Variants in VTI1A observed in about 807,000 individuals in gnomAD.
The protein encoded by VTI1A is vesicle transport through interaction with t-SNAREs 1A.
VTI1A carries 22 observed loss-of-function variants against 34.9 expected under a neutral mutation model. The observed-to-expected ratio is 0.63, with a 90% CI of 0.45 to 0.90. The LOEUF (loss-of-function observed/expected upper bound fraction) is 0.90, where lower values mean the gene tolerates loss of function less well. Among genes scored for constraint, VTI1A ranks in the 40% least tolerant of loss-of-function variants. VTI1A has a pLI of 0.00. For missense variants in VTI1A, 268 were observed against 275.6 expected, an observed-to-expected ratio of 0.97 and a Z score of 0.20; for synonymous variants, 87 against 97.3, an observed-to-expected ratio of 0.89 and a Z score of 0.62.
chr10:112,490,154 T>G (rs1285137829), intron 3 of VTI1A, among the ~76,000 whole-genome samples: 1 of 152,220 alleles, frequency 6.6e-6, no homozygotes, highest in East Asian at 1.9e-4. Context: ...ATTAAGTGCT[T>G]TCATGGTAAA....
chr10:112,818,184 C>T lies in VTI1A; in HGVS notation c.*2801C>T, dbSNP rs1412541555. 1 of 233,314 alleles carries T rather than the reference C, an allele frequency of 4.3e-6. No individual in the cohort carries two copies. Among genetic ancestry groups the T allele is most frequent in the Non-Finnish European group, 8.5e-6 (1 of 117,874 alleles). The allele number at this position is 233,314 out of a possible 1,614,324, so 14.5% of individuals were successfully genotyped here. ...TTTGCTTTGCTACTGCTTCTGAGCC[C>T]TGAGCTTCAAAGGCTGAAATTAATG... On this transcript the variant is annotated 3_prime_UTR_variant, in exon 8 of 8. Coordinates refer to ENST00000393077, the MANE Select transcript of VTI1A (RefSeq NM_145206.4).
intron 5 of VTI1A, among the ~76,000 whole-genome samples, chr10:112,578,043 C>T (rs1288279646): frequency 6.6e-6 from 1 of 152,144 alleles, no homozygotes; most frequent in African/African-American, 2.4e-5. Flanking sequence ...AAGTAACTTT[C>T]TTATTGTTTT....
At chr10:112,592,777 A>G in intron 5 of VTI1A, among the ~76,000 whole-genome samples, 1 of 152,256 alleles carries the variant, frequency 6.6e-6, no homozygotes, top group East Asian at 1.9e-4. Flanking sequence ...TATATGGCAA[A>G]TAAAACTGGA....
chr10:112,499,466 G>A (rs1849147241), intron 3 of VTI1A, among the ~76,000 whole-genome samples: 1 of 152,016 alleles, frequency 6.6e-6, no homozygotes, highest in South Asian at 2.1e-4. Flanking sequence ...TTAATTTTAT[G>A]TATGCCCATG....
chr10:112,669,177 A>G (rs551999071), intron 7 of VTI1A, among the ~76,000 whole-genome samples, 179 bp downstream of exon 7: 1 of 152,304 alleles, frequency 6.6e-6, no homozygotes, highest in Non-Finnish European at 1.5e-5. Flanking sequence ...AGGGACACAT[A>G]CTAACACAGA....
At chr10:112,518,504 G>A (rs1849869133) in intron 3 of VTI1A, among the ~76,000 whole-genome samples, 1 of 149,470 alleles carries the variant, frequency 6.7e-6, no homozygotes, top group South Asian at 2.1e-4. Context: ...AGCCCAAGGA[G>A]TTCAAGGCCA....
intron 3 of VTI1A, among the ~76,000 whole-genome samples, chr10:112,511,112 A>G (rs1448496013): frequency 6.6e-6 from 1 of 152,184 alleles, no homozygotes; most frequent in Non-Finnish European, 1.5e-5. Flanking sequence ...AAATAATCTC[A>G]AACTTGCTGA....
chr10:112,550,349 GTT>G (rs56846103), intron 5 of VTI1A, among the ~76,000 whole-genome samples: 3,655 of 142,236 alleles, frequency 0.026, 63 homozygotes, highest in African/African-American at 0.03. Context: ...GTGCCAGAAG[GTT>G]TTTTTTTTTT....
intron 5 of VTI1A, among the ~76,000 whole-genome samples, chr10:112,576,099 C>G (rs2134381929): frequency 6.7e-6 from 1 of 149,818 alleles, no homozygotes; most frequent in South Asian, 2.1e-4. Context: ...CGGCTCACTG[C>G]AAGCTCCGCC....
At chr10:112,499,630 C>T (rs1423757157) in intron 3 of VTI1A, among the ~76,000 whole-genome samples, 1 of 152,214 alleles carries the variant, frequency 6.6e-6, no homozygotes, top group African/African-American at 2.4e-5. Context: ...ATTCATTAAA[C>T]TTATTATCTT....
chr10:112,854,987 G>A, the VTI1A span, among the ~76,000 whole-genome samples: 1 of 152,150 alleles, frequency 6.6e-6, no homozygotes, highest in Non-Finnish European at 1.5e-5. Flanking sequence ...TTCACAGAGA[G>A]TCTGCCTGCT....
Position 112,617,850 on chromosome 10 carries a change from A to G in VTI1A, c.428-50368A>G, listed in dbSNP as rs549676454. Reference sequence around the variant, plus strand: ...CAAAGTAGAAGATGCCTGGGAATGAATATAATAAAAGATATACAAAGTGGC... The same window carrying G: ...CAAAGTAGAAGATGCCTGGGAATGAGTATAATAAAAGATATACAAAGTGGC... On this transcript the variant is annotated intron_variant, in intron 5 of 7. Transcript: ENST00000393077. 2.2e-4 allele frequency among the ~76,000 whole-genome samples: 34 copies of G among 152,328 alleles called. 1 individual carries two copies. The highest frequency in any genetic ancestry group is 8.2e-4 in the African/African-American group (34 of 41,572).
intron 7 of VTI1A, among the ~76,000 whole-genome samples, chr10:112,724,517 A>G (rs527617268): frequency 1.3e-3 from 199 of 152,168 alleles, no homozygotes; most frequent in Non-Finnish European, 2.5e-3. Context: ...CCAATCAGAA[A>G]GCTGCCCTGA....
chr10:112,715,397 T>C (rs1263519369), intron 7 of VTI1A, among the ~76,000 whole-genome samples: 1 of 152,074 alleles, frequency 6.6e-6, no homozygotes, highest in Non-Finnish European at 1.5e-5. Flanking sequence ...AGAAAAAAAA[T>C]TGTTTTTATG....
chr10:112,467,732 C>A (rs1847944189), intron 3 of VTI1A, among the ~76,000 whole-genome samples: 1 of 152,216 alleles, frequency 6.6e-6, no homozygotes, highest in African/African-American at 2.4e-5. Flanking sequence ...TACATTATTT[C>A]ATTTCATTGT....
intron 5 of VTI1A, among the ~76,000 whole-genome samples, chr10:112,666,562 C>T (rs1167978851): frequency 6.6e-6 from 1 of 152,110 alleles, no homozygotes; most frequent in African/African-American, 2.4e-5. Flanking sequence ...AGTGGGGATT[C>T]AATGATTCTT....
intron 5 of VTI1A, among the ~76,000 whole-genome samples, chr10:112,557,533 G>A (rs1227657014): frequency 1.3e-5 from 2 of 152,118 alleles, no homozygotes; most frequent in Non-Finnish European, 1.5e-5. Context: ...TTTGGAATGT[G>A]TTTAAAATTG....
intron 5 of VTI1A, among the ~76,000 whole-genome samples, chr10:112,565,457 T>C (rs1564829017): frequency 6.6e-6 from 1 of 152,190 alleles, no homozygotes; most frequent in Non-Finnish European, 1.5e-5. Flanking sequence ...TTTATTTATA[T>C]TTACTTTCAG....
At chr10:112,476,976 G>A (rs1214279698) in intron 3 of VTI1A, among the ~76,000 whole-genome samples, 1 of 152,126 alleles carries the variant, frequency 6.6e-6, no homozygotes, top group Non-Finnish European at 1.5e-5. Context: ...TCTCTAGGGT[G>A]AAGATTTTTA....
Sources: gnomAD v4.1 joint callset for allele counts (sites outside exome capture counted in the v4.1 genomes callset) on GRCh38, gnomAD v4.1.1 for gene constraint, MANE v1.5 for transcripts, NCBI Gene and HGNC (gene_info 2026-07-23, HGNC 2026-07-21) for gene names.